FREM1: variants seen among roughly 807,000 people sequenced by gnomAD.
FREM1 encodes the protein FRAS1 related extracellular matrix 1, also known as FRAS1-related extracellular matrix protein 1.
In FREM1, 220 loss-of-function variants were observed where a neutral mutation model predicts 210.1. The observed-to-expected ratio is 1.05, with a 90% CI of 0.94 to 1.17. The LOEUF (loss-of-function observed/expected upper bound fraction) is 1.17. Ranked by LOEUF, FREM1 falls within the 50% of genes most tolerant of loss-of-function variation. FREM1 has a pLI of 0.00. For synonymous variants in FREM1, 1,189 were observed against 980.2 expected (o/e 1.21, Z -3.98); for missense variants, 3,454 against 2,675.5 (o/e 1.29, Z -6.42).
intron 1 of FREM1, among the ~76,000 whole-genome samples, chr9:14,884,154 G>C (rs1214452055): frequency 2.6e-5 from 4 of 152,130 alleles, no homozygotes; most frequent in Admixed American, 2.0e-4. Context: ...TCTTGAACTT[G>C]GGAGGCGGAG....
intron 24 of FREM1, among the ~76,000 whole-genome samples, chr9:14,783,827 T>C (rs1224691209): frequency 6.6e-6 from 1 of 152,236 alleles, no homozygotes; most frequent in Non-Finnish European, 1.5e-5. Context: ...TGGGGAAATA[T>C]GATCTACTTT....
chr9:14,770,315 A>T (rs1847303577), intron 26 of FREM1, among the ~76,000 whole-genome samples: 1 of 152,200 alleles, frequency 6.6e-6, no homozygotes, highest in Admixed American at 6.5e-5. Flanking sequence ...CACAAATAGG[A>T]AATTTGGTCC....
rs866082192 is a variant in FREM1 at position 14,816,855 on chromosome 9, T to A, written c.2563A>T (p.Thr855Ser). Residue 855 changes from threonine (T) to serine (S), a missense_variant, in exon 15 of 37, where the codon ACT becomes TCT. Physicochemically the swap from Thr to Ser is moderately conservative, Grantham distance 58. Coordinates refer to ENST00000380880, the MANE Select transcript of FREM1 (RefSeq NM_001379081.2). The stretch of plus-strand genomic sequence containing the variant: ...AGTAGGTCATCCTGAAGAACTTCAG[T>A]TCCATCATGTTGATACCTGTGGGGA... ...TLKVRYQHDG[T>S]EVLQDDLLLE... 2.9e-6 allele frequency: 4 copies of A among 1,400,012 alleles called. No individual in the cohort carries two copies. The highest frequency in any genetic ancestry group is 2.8e-5 in the African/African-American group (2 of 71,824). The allele number at this position is 1,400,012 out of a possible 1,614,324, so 86.7% of individuals were successfully genotyped here.
intron 21 of FREM1, among the ~76,000 whole-genome samples, chr9:14,795,050 G>C (rs933055881): frequency 6.6e-6 from 1 of 151,672 alleles, no homozygotes; most frequent in Non-Finnish European, 1.5e-5. Context: ...TAATAAAGTG[G>C]AGATTGGAGA....
At chr9:14,904,176 G>A (rs1438644308) in intron 1 of FREM1, among the ~76,000 whole-genome samples, 4 of 149,654 alleles carry the variant, frequency 2.7e-5, no homozygotes, top group Non-Finnish European at 4.4e-5. Context: ...ATAGAGACTA[G>A]TGACTAGTTT....
At position 14,871,014 on chromosome 9, in the gene FREM1, A is replaced by G. The variant is rs185542071; in HGVS notation, c.-267-1770T>C. 1.1e-3 allele frequency among the ~76,000 whole-genome samples: 163 copies of G among 152,150 alleles called. 1 individual carries two copies. The highest frequency in any genetic ancestry group is 3.8e-3 in the African/African-American group (157 of 41,498). On this transcript the variant is annotated intron_variant, in intron 1 of 36. Coordinates refer to ENST00000380880, the MANE Select transcript of FREM1 (RefSeq NM_001379081.2). ...ATTTTTTATGGCTGCATAGTATTCC[A>G]TGGTGTATATGTGCCACATTTTCTT... is the stretch of plus-strand genomic sequence containing the variant.
intron 1 of FREM1, among the ~76,000 whole-genome samples, chr9:14,902,791 T>C (rs1839017035): frequency 6.6e-6 from 1 of 152,166 alleles, no homozygotes; most frequent in African/African-American, 2.4e-5. Context: ...AAACTCTAAG[T>C]CCAGAGTATA....
At chr9:14,870,022 G>A (rs888210292) in intron 1 of FREM1, among the ~76,000 whole-genome samples, 2 of 152,106 alleles carry the variant, frequency 1.3e-5, no homozygotes, top group Admixed American at 1.3e-4. Flanking sequence ...ATTTCTCTGT[G>A]TTCCATAAGA....
chr9:14,845,060 G>A (rs1190980334), intron 8 of FREM1, among the ~76,000 whole-genome samples: 1 of 152,118 alleles, frequency 6.6e-6, no homozygotes, highest in Non-Finnish European at 1.5e-5. Context: ...ACAAATGATG[G>A]TGAGAGTTAT....
chr9:14,801,900 C>G, intron 19 of FREM1, 26 bp from the exon 20 acceptor site: 1 of 1,517,132 alleles, frequency 6.6e-7, no homozygotes, highest in Non-Finnish European at 9.0e-7. Flanking sequence ...TGAGAAAAGT[C>G]AACAATGCAT....
intron 11 of FREM1, among the ~76,000 whole-genome samples, chr9:14,824,360 C>A (rs1821945113): frequency 1.3e-5 from 2 of 152,120 alleles, no homozygotes; most frequent in Non-Finnish European, 2.9e-5. Context: ...AATTGTTACA[C>A]TCATGTTAAA....
chr9:14,806,465 G>A lies in FREM1; in HGVS notation c.3274+196C>T, dbSNP rs549164533. Among the ~76,000 whole-genome samples, 5 of 152,152 alleles carry A rather than the reference G, an allele frequency of 3.3e-5. No homozygotes were observed. The East Asian group carries it at 9.7e-4, about 29-fold the overall frequency. On this transcript the variant is annotated intron_variant, in intron 18 of 36. Coordinates refer to ENST00000380880, the MANE Select transcript of FREM1 (RefSeq NM_001379081.2). ...AGAGGGGTTTCACCACATTGGTCAG[G>A]CTGGACTCAAACTCCTGACCTCAGG...
intron 3 of FREM1, among the ~76,000 whole-genome samples, chr9:14,861,798 C>T (rs762144065): frequency 8.6e-5 from 13 of 151,992 alleles, no homozygotes; most frequent in African/African-American, 2.4e-4. Context: ...TGAGCCACTG[C>T]GCCTGGCCCT....
At chr9:14,827,484 A>G (rs1822694586) in intron 10 of FREM1, among the ~76,000 whole-genome samples, 1 of 152,198 alleles carries the variant, frequency 6.6e-6, no homozygotes, top group Non-Finnish European at 1.5e-5. Flanking sequence ...AAAATACTAG[A>G]AGACAGAAAT....
At chr9:14,907,577 C>T (rs1002317613) in intron 1 of FREM1, among the ~76,000 whole-genome samples, 110 of 152,130 alleles carry the variant, frequency 7.2e-4, no homozygotes, top group Non-Finnish European at 8.1e-4. Context: ...TGTAACCTGG[C>T]GCAGGGAAAC....
intron 13 of FREM1, among the ~76,000 whole-genome samples, chr9:14,822,021 T>A (rs1821446530): frequency 6.6e-6 from 1 of 152,110 alleles, no homozygotes; most frequent in African/African-American, 2.4e-5. Flanking sequence ...ATAGGGGCAG[T>A]TTCCCCCATA....
intron 1 of FREM1, among the ~76,000 whole-genome samples, chr9:14,876,018 C>T (rs1384280550): frequency 1.3e-5 from 2 of 152,310 alleles, no homozygotes; most frequent in East Asian, 3.9e-4. Flanking sequence ...ATGCTGCTGT[C>T]TGATCGTTCC....
chr9:14,775,871 G>A lies in FREM1; in HGVS notation c.4775C>T (p.Thr1592Ile), dbSNP rs1291969020. ...SGGDSQTDCF[T>I]FMATDGTNQG... ...GTTTGTCCCATCTGTGGCCATGAAAGTAAAGCAGTCAGTCTGGGAGTCCCC... is the reference window on the plus strand; with the variant it reads ...GTTTGTCCCATCTGTGGCCATGAAAATAAAGCAGTCAGTCTGGGAGTCCCC... The change falls in exon 25 of 37, where the codon ACT becomes ATT. Residue 1592 changes from threonine to isoleucine, a missense_variant. Coordinates refer to ENST00000380880, the MANE Select transcript of FREM1 (RefSeq NM_001379081.2). 6 of 1,613,828 alleles carry A rather than the reference G, an allele frequency of 3.7e-6. No individual in the cohort carries two copies. Among genetic ancestry groups the A allele is most frequent in the Non-Finnish European group, 5.1e-6 (6 of 1,179,812 alleles).
At chr9:14,879,071 G>A (rs1249752376) in intron 1 of FREM1, among the ~76,000 whole-genome samples, 3 of 150,038 alleles carry the variant, frequency 2.0e-5, no homozygotes, top group Middle Eastern at 3.4e-3. Context: ...GCAGGAGAAC[G>A]ACTTGAACCT....
Sources: allele counts gnomAD v4.1 joint callset (sites outside exome capture counted in the v4.1 genomes callset), GRCh38; gene constraint gnomAD v4.1.1; transcripts MANE v1.5; gene names NCBI Gene and HGNC (gene_info 2026-07-23, HGNC 2026-07-21).